CCDC148: variants seen among roughly 807,000 people sequenced by gnomAD.
CCDC148 encodes the protein coiled-coil domain containing 148.
A neutral mutation model predicts 85.7 loss-of-function variants in CCDC148; 89 were observed. That is an observed-to-expected ratio of 1.04 (90% confidence interval 0.87 to 1.24). The LOEUF is 1.24. Ranked by LOEUF, CCDC148 falls within the 50% of genes most tolerant of loss-of-function variation. The probability of loss-of-function intolerance (pLI) is 0.00; values close to 1 mark genes in which losing one functional copy is unlikely to be tolerated. For missense variants in CCDC148, 692 were observed against 671.7 expected, an observed-to-expected ratio of 1.03 and a Z score of -0.33; for synonymous variants, 230 against 213.9, an observed-to-expected ratio of 1.08 and a Z score of -0.66.
intron 9 of CCDC148, among the ~76,000 whole-genome samples, chr2:158,253,578 T>A (rs1186406768): frequency 6.6e-6 from 1 of 151,736 alleles, no homozygotes; most frequent in Non-Finnish European, 1.5e-5. Context: ...AGTCCATGCA[T>A]TTGCCTTCCC....
intron 9 of CCDC148, among the ~76,000 whole-genome samples, chr2:158,280,598 C>T (rs1690233761): frequency 6.6e-6 from 1 of 152,098 alleles, no homozygotes; most frequent in African/African-American, 2.4e-5. Flanking sequence ...ATATATGCAC[C>T]CAATACAGAA....
At chr2:158,293,717 G>C (rs988845947) in intron 9 of CCDC148, among the ~76,000 whole-genome samples, 4 of 152,142 alleles carry the variant, frequency 2.6e-5, no homozygotes, top group African/African-American at 9.7e-5. Context: ...GTCTTAGAAA[G>C]GAAGGTACCC....
At chr2:158,427,629 G>C (rs13004545) in intron 1 of CCDC148, among the ~76,000 whole-genome samples, 2 of 152,076 alleles carry the variant, frequency 1.3e-5, no homozygotes, top group East Asian at 3.9e-4. Flanking sequence ...CAACACTTTA[G>C]GGGGCTGAGG....
At chr2:158,274,399 T>G (rs918426648) in intron 9 of CCDC148, among the ~76,000 whole-genome samples, 12 of 152,166 alleles carry the variant, frequency 7.9e-5, no homozygotes, top group African/African-American at 2.9e-4. Context: ...AACATCTAGA[T>G]CCATCGACAC....
chr2:158,279,802 C>G (rs375509997), intron 9 of CCDC148, among the ~76,000 whole-genome samples: 43 of 151,692 alleles, frequency 2.8e-4, no homozygotes, highest in South Asian at 8.4e-4. Context: ...CTCGAGAAGA[C>G]CAACTCCAAG....
At chr2:158,388,935 A>C (rs1214742104) in intron 1 of CCDC148, among the ~76,000 whole-genome samples, 1 of 152,202 alleles carries the variant, frequency 6.6e-6, no homozygotes, top group East Asian at 1.9e-4. Context: ...GTTGTTACAA[A>C]GGTAGTTGCA....
chr2:158,292,961 A>G (rs1041126882), intron 9 of CCDC148, among the ~76,000 whole-genome samples: 2 of 152,208 alleles, frequency 1.3e-5, no homozygotes, highest in African/African-American at 4.8e-5. Context: ...AGGTATAGTA[A>G]ATTAATGCTG....
chr2:158,198,875 A>G (rs1685808515), intron 11 of CCDC148, among the ~76,000 whole-genome samples: 1 of 152,220 alleles, frequency 6.6e-6, no homozygotes, highest in Non-Finnish European at 1.5e-5. Flanking sequence ...GAACAAAAGC[A>G]GAAGACTTCT....
intron 1 of CCDC148, among the ~76,000 whole-genome samples, chr2:158,420,536 C>A (rs1686723719): frequency 6.6e-6 from 1 of 152,086 alleles, no homozygotes; most frequent in African/African-American, 2.4e-5. Flanking sequence ...CAAGCAAATA[C>A]TGAGAGATTT....
intron 1 of CCDC148, among the ~76,000 whole-genome samples, chr2:158,430,877 CAT>C (rs1260168101): frequency 6.7e-6 from 1 of 150,128 alleles, no homozygotes; most frequent in African/African-American, 2.4e-5. Flanking sequence ...AAAACATAAA[CAT>C]AATAAAAAAT....
chr2:158,199,178 C>T (rs757141002), intron 11 of CCDC148, among the ~76,000 whole-genome samples: 35 of 152,024 alleles, frequency 2.3e-4, no homozygotes, highest in Admixed American at 1.1e-3. Context: ...ATACTTTAAG[C>T]TTGGAAAGTA....
intron 10 of CCDC148, among the ~76,000 whole-genome samples, chr2:158,221,637 G>A (rs1687189375): frequency 6.6e-6 from 1 of 152,142 alleles, no homozygotes; most frequent in Non-Finnish European, 1.5e-5. Flanking sequence ...GAGGTGAATA[G>A]GAAAATCTAA....
At chr2:158,336,021 C>T (rs1682357185) in intron 7 of CCDC148, among the ~76,000 whole-genome samples, 1 of 152,102 alleles carries the variant, frequency 6.6e-6, no homozygotes, top group Admixed American at 6.6e-5. Flanking sequence ...TAAACAATGC[C>T]CCCTGGATAT....
chr2:158,355,147 C>A (rs1049313171), intron 2 of CCDC148, among the ~76,000 whole-genome samples: 52 of 151,560 alleles, frequency 3.4e-4, no homozygotes, highest in Non-Finnish European at 6.6e-4. Context: ...AAACTGGAAG[C>A]ATTCCCTTTG....
chr2:158,235,184 T>C (rs1294172005), intron 10 of CCDC148, among the ~76,000 whole-genome samples: 1 of 152,222 alleles, frequency 6.6e-6, no homozygotes, highest in Non-Finnish European at 1.5e-5. Flanking sequence ...ATATTATGTG[T>C]AAGTATATTA....
chr2:158,439,745 A>G (rs1687850361), intron 1 of CCDC148, among the ~76,000 whole-genome samples: 1 of 152,236 alleles, frequency 6.6e-6, no homozygotes, highest in Admixed American at 6.5e-5. Context: ...TAGAAGATAT[A>G]GTAATGCTCA....
At chr2:158,439,497 A>G (rs1010794083) in intron 1 of CCDC148, among the ~76,000 whole-genome samples, 6 of 152,012 alleles carry the variant, frequency 3.9e-5, no homozygotes, top group Non-Finnish European at 8.8e-5. Context: ...CAGGGGGGAG[A>G]GATAGCATTA....
At chr2:158,387,280 T>C (rs1171644369) in intron 1 of CCDC148, among the ~76,000 whole-genome samples, 1 of 94,792 alleles carries the variant, frequency 1.1e-5, no homozygotes. Context: ...GCCCACACAT[T>C]TATATCATTA....
At chr2:158,206,656 G>C (rs1006818792) in intron 11 of CCDC148, among the ~76,000 whole-genome samples, 15 of 152,312 alleles carry the variant, frequency 9.8e-5, no homozygotes, top group Non-Finnish European at 7.3e-5. Flanking sequence ...ATAAAATATG[G>C]ATTAATAACA....
Sources: allele counts gnomAD v4.1 joint callset (sites outside exome capture counted in the v4.1 genomes callset), GRCh38; gene constraint gnomAD v4.1.1; transcripts MANE v1.5; gene names NCBI Gene and HGNC (gene_info 2026-07-23, HGNC 2026-07-21).